PTPRM: variants seen among roughly 807,000 people sequenced by gnomAD.
PTPRM encodes protein tyrosine phosphatase receptor type M.
A neutral mutation model predicts 186.7 loss-of-function variants in PTPRM; 47 were observed. The observed-to-expected ratio is 0.25, with a 90% CI of 0.20 to 0.32. PTPRM has a LOEUF of 0.32. Ranked by LOEUF, PTPRM falls within the 10% of genes least tolerant of loss-of-function variation. The pLI, the probability that PTPRM is intolerant of heterozygous loss-of-function variation, is 1.00. For missense variants in PTPRM, 1,494 were observed against 1,865.0 expected (o/e 0.80, Z 3.66); for synonymous variants, 668 against 674.9 (o/e 0.99, Z 0.16).
intron 2 of PTPRM, among the ~76,000 whole-genome samples, chr18:7,813,013 C>G (rs1469300257): frequency 6.6e-6 from 1 of 152,218 alleles, no homozygotes; most frequent in African/African-American, 2.4e-5. Flanking sequence ...CCTTAGCCAC[C>G]TAGCTCTATG....
intron 1 of PTPRM, among the ~76,000 whole-genome samples, chr18:7,701,483 C>T (rs2039966002): frequency 6.6e-6 from 1 of 151,664 alleles, no homozygotes; most frequent in Non-Finnish European, 1.5e-5. Flanking sequence ...GCGTGTAGTC[C>T]CAGCTACTCC....
intron 1 of PTPRM, among the ~76,000 whole-genome samples, chr18:7,634,256 C>T (rs1029298009): frequency 6.6e-6 from 1 of 152,024 alleles, no homozygotes; most frequent in Admixed American, 6.6e-5. Context: ...ATTTTGTTCA[C>T]TGCCATCTCC....
intron 14 of PTPRM, among the ~76,000 whole-genome samples, chr18:8,241,713 G>A (rs567069280): frequency 2.1e-4 from 32 of 152,108 alleles, no homozygotes; most frequent in Non-Finnish European, 3.7e-4. Context: ...CTGGTCCCAG[G>A]GAGACATTCA....
intron 7 of PTPRM, among the ~76,000 whole-genome samples, chr18:7,990,612 G>T (rs556763217): frequency 1.3e-5 from 2 of 152,132 alleles, no homozygotes; most frequent in Non-Finnish European, 2.9e-5. Flanking sequence ...CAAAAGGATG[G>T]CAATGCTGAT....
chr18:7,620,246 CTTG>C (rs1281984484), intron 1 of PTPRM, among the ~76,000 whole-genome samples: 1 of 152,178 alleles, frequency 6.6e-6, no homozygotes, highest in East Asian at 1.9e-4. Context: ...TCCTTTGTTT[CTTG>C]TTGTCTGTTT....
At chr18:7,939,502 T>C (rs2052033391) in intron 5 of PTPRM, among the ~76,000 whole-genome samples, 1 of 152,224 alleles carries the variant, frequency 6.6e-6, no homozygotes, top group Non-Finnish European at 1.5e-5. Context: ...GTAAGTCTAA[T>C]TTAAATAACT....
intron 1 of PTPRM, among the ~76,000 whole-genome samples, chr18:7,654,937 CT>C (rs879482681): frequency 7.9e-5 from 12 of 152,234 alleles, no homozygotes; most frequent in African/African-American, 2.9e-4. Context: ...TATTCAGGCT[CT>C]TTTTTTGTTC....
At chr18:8,057,425 C>CTTTTTTTTTTTTTTTTTTTTTTTGTTTT (rs763829289) in intron 7 of PTPRM, among the ~76,000 whole-genome samples, 12 of 102,532 alleles carry the variant, frequency 1.2e-4, no homozygotes, top group East Asian at 6.5e-4. Context: ...TGTGATACTT[C>CTTTTTTTTTTTTTTTTTTTTTTTGTTTT]TTTTTTTTTT....
chr18:8,358,453 C>T (rs974423265), intron 23 of PTPRM, among the ~76,000 whole-genome samples: 2 of 152,180 alleles, frequency 1.3e-5, no homozygotes, highest in Non-Finnish European at 2.9e-5. Flanking sequence ...AAGACAGGAT[C>T]ATCTTCCTAT....
intron 11 of PTPRM, among the ~76,000 whole-genome samples, chr18:8,111,838 G>A (rs575648006): frequency 3.3e-5 from 5 of 152,282 alleles, no homozygotes; most frequent in South Asian, 4.1e-4. Flanking sequence ...AGCAGAATTA[G>A]AATTAGAGCT....
chr18:7,863,909 G>T (rs1418586739), intron 2 of PTPRM, among the ~76,000 whole-genome samples: 2 of 152,092 alleles, frequency 1.3e-5, no homozygotes, highest in Admixed American at 6.5e-5. Flanking sequence ...GCGTGAGATG[G>T]TATCTCATTG....
Position 7,894,663 on chromosome 18 carries a change from A to AT in PTPRM, c.468+6290dup, listed in dbSNP as rs530270849. On this transcript the variant is annotated intron_variant, in intron 3 of 32. Coordinates refer to ENST00000580170, the MANE Select transcript of PTPRM (RefSeq NM_001105244.2). The stretch of plus-strand genomic sequence containing the variant: ...GTGTGCATGGATACATGTGTGTAAC[A>AT]TTTTCTTATGTGAACATGGTGCATA... Among the ~76,000 whole-genome samples, 951 of 151,794 alleles carry AT rather than the reference A, an allele frequency of 6.3e-3. 7 individuals are homozygous for AT. The highest frequency in any genetic ancestry group is 9.1e-3 in the Non-Finnish European group (619 of 67,940).
intron 3 of PTPRM, among the ~76,000 whole-genome samples, chr18:7,903,682 C>T (rs562884737): frequency 4.7e-4 from 72 of 152,254 alleles, no homozygotes; most frequent in African/African-American, 1.7e-3. Flanking sequence ...AGTTTTATTT[C>T]ATTTCTGGTT....
In PTPRM at chr18:8,153,490, A is replaced by C. The variant is rs1187911763; in HGVS notation, c.2300+9711A>C. Among the ~76,000 whole-genome samples, 45 of 152,204 alleles carry C rather than the reference A, an allele frequency of 3.0e-4. 1 individual carries two copies. Among genetic ancestry groups the C allele is most frequent in the Admixed American group, 2.9e-3 (45 of 15,276 alleles). On this transcript the variant is annotated intron_variant, in intron 14 of 32. Transcript: ENST00000580170. ...GATTATTTACTAGATAATAATCTTA[A>C]AAGGGTTGTCTTCACAGCATGTGCC...
intron 1 of PTPRM, among the ~76,000 whole-genome samples, chr18:7,628,280 T>C (rs2038108845): frequency 6.6e-6 from 1 of 152,184 alleles, no homozygotes; most frequent in South Asian, 2.1e-4. Context: ...TTCACATTAA[T>C]ATCAAAGCAG....
intron 1 of PTPRM, among the ~76,000 whole-genome samples, chr18:7,689,527 A>AGGGTTAC (rs2039687899): frequency 6.6e-6 from 1 of 152,252 alleles, no homozygotes; most frequent in South Asian, 2.1e-4. Flanking sequence ...CATCTACGCT[A>AGGGTTAC]GGGTTACAGT....
rs556538328 is a variant in PTPRM at position 8,173,687 on chromosome 18, G to C, written c.2300+29908G>C. 1.6e-4 allele frequency among the ~76,000 whole-genome samples: 24 copies of C among 152,342 alleles called. 1 individual carries two copies. The South Asian group carries it at 4.6e-3, about 29-fold the overall frequency. On this transcript the variant is annotated intron_variant, in intron 14 of 32. Transcript: ENST00000580170. ...AATAGCTTGGCAGGCCAGAGAGTCT[G>C]CTTCTGGGTAGGGCCACAGGATCTG...
At chr18:8,038,909 A>G (rs2086518963) in intron 7 of PTPRM, among the ~76,000 whole-genome samples, 1 of 152,194 alleles carries the variant, frequency 6.6e-6, no homozygotes, top group Non-Finnish European at 1.5e-5. Context: ...CTAGGAGCAT[A>G]ATCCATAGTA....
At chr18:8,033,181 A>G (rs1414814060) in intron 7 of PTPRM, among the ~76,000 whole-genome samples, 1 of 152,202 alleles carries the variant, frequency 6.6e-6, no homozygotes, top group Non-Finnish European at 1.5e-5. Context: ...AAAATCAATT[A>G]AAAAATGAAT....
Sources: gnomAD v4.1 joint callset for allele counts (sites outside exome capture counted in the v4.1 genomes callset) on GRCh38, gnomAD v4.1.1 for gene constraint, MANE v1.5 for transcripts, NCBI Gene and HGNC (gene_info 2026-07-23, HGNC 2026-07-21) for gene names.